EIPR1: variants seen among roughly 807,000 people sequenced by gnomAD.
EIPR1 encodes EARP and GARP complex-interacting protein 1.
A neutral mutation model predicts 48.1 loss-of-function variants in EIPR1; 25 were observed. The observed-to-expected ratio is 0.52, with a 90% CI of 0.38 to 0.73. The LOEUF is 0.73. Ranked by LOEUF, EIPR1 falls within the 30% of genes least tolerant of loss-of-function variation. The pLI is 0.00. For missense variants in EIPR1, 415 were observed against 506.2 expected (o/e 0.82, Z 1.73); for synonymous variants, 204 against 201.9 (o/e 1.01, Z -0.09).
intron 5 of EIPR1, among the ~76,000 whole-genome samples, chr2:3,199,048 G>A (rs1664909740): frequency 2.0e-5 from 1 of 51,100 alleles, no homozygotes; most frequent in African/African-American, 6.9e-5. Context: ...CCCCAGAGTG[G>A]CCATTTTAGA....
rs115324683 is a variant in EIPR1 at position 3,279,774 on chromosome 2, G to A, written c.260-22319C>T. Among the ~76,000 whole-genome samples the A allele has an allele frequency of 5.9e-3, 905 of 152,314 alleles. 9 individuals carry two copies. Among genetic ancestry groups the A allele is most frequent in the African/African-American group, 0.021 (883 of 41,562 alleles). ...GACCTGACGCGCAGAGCTGTGAGGT[G>A]AACCAACACCATGATGCGAAGTTAC... is the stretch of plus-strand genomic sequence containing the variant. On this transcript the variant is annotated intron_variant, in intron 3 of 8. Coordinates refer to ENST00000382125, the MANE Select transcript of EIPR1 (RefSeq NM_003310.5).
intron 4 of EIPR1, among the ~76,000 whole-genome samples, chr2:3,216,176 A>G (rs539460050): frequency 4.6e-5 from 7 of 152,318 alleles, no homozygotes; most frequent in African/African-American, 1.7e-4. Context: ...ATGCAGGGAG[A>G]GAAGGATGCA....
chr2:3,285,885 AC>A (rs1558273682), intron 3 of EIPR1, among the ~76,000 whole-genome samples: 9 of 133,738 alleles, frequency 6.7e-5, no homozygotes, highest in South Asian at 2.5e-4. Context: ...GAAGTCACCA[AC>A]TGTCTCCGGG....
intron 3 of EIPR1, among the ~76,000 whole-genome samples, chr2:3,337,354 A>G (rs1353462382): frequency 6.6e-6 from 1 of 152,264 alleles, no homozygotes; most frequent in Admixed American, 6.5e-5. Flanking sequence ...GCAACATTTT[A>G]GAAACTATAT....
At chr2:3,254,399 T>C (rs929678701) in intron 4 of EIPR1, among the ~76,000 whole-genome samples, 13 of 152,164 alleles carry the variant, frequency 8.5e-5, no homozygotes, top group African/African-American at 2.7e-4. Flanking sequence ...ACTGTAGTCA[T>C]AATCGCCAAA....
At chr2:3,369,695 C>A (rs1463747876) in intron 1 of EIPR1, among the ~76,000 whole-genome samples, 2 of 152,256 alleles carry the variant, frequency 1.3e-5, no homozygotes, top group Non-Finnish European at 2.9e-5. Flanking sequence ...GGGCGCCCGC[C>A]ATTGCCCAGG....
At chr2:3,267,542 A>G (rs1667528442) in intron 3 of EIPR1, among the ~76,000 whole-genome samples, 1 of 152,248 alleles carries the variant, frequency 6.6e-6, no homozygotes, top group Non-Finnish European at 1.5e-5. Context: ...GAGCATGTCT[A>G]TACAAGAATG....
At chr2:3,256,266 G>A (rs753438362) in intron 4 of EIPR1, among the ~76,000 whole-genome samples, 5 of 152,146 alleles carry the variant, frequency 3.3e-5, no homozygotes, top group East Asian at 1.9e-4. Context: ...ACTCCACCTC[G>A]TAAGCGAATC....
At chr2:3,238,909 G>A (rs1009986552) in intron 4 of EIPR1, among the ~76,000 whole-genome samples, 20 of 152,324 alleles carry the variant, frequency 1.3e-4, no homozygotes, top group African/African-American at 4.3e-4. Flanking sequence ...AAAAGATTGT[G>A]TTAAGAAGGG....
At chr2:3,220,681 C>G (rs1378409211) in intron 4 of EIPR1, among the ~76,000 whole-genome samples, 2 of 151,892 alleles carry the variant, frequency 1.3e-5, no homozygotes, top group East Asian at 3.9e-4. Flanking sequence ...CACAGTGACT[C>G]AGGAACACAA....
chr2:3,272,519 A>G (rs894693956), intron 3 of EIPR1, among the ~76,000 whole-genome samples: 1 of 152,218 alleles, frequency 6.6e-6, no homozygotes, highest in Admixed American at 6.5e-5. Flanking sequence ...CTCAGGGAAC[A>G]GAGAGGCCTG....
intron 4 of EIPR1, among the ~76,000 whole-genome samples, chr2:3,249,066 G>A (rs758579466): frequency 8.5e-5 from 13 of 152,208 alleles, no homozygotes; most frequent in African/African-American, 2.7e-4. Flanking sequence ...GCATTGCTAC[G>A]AAGATGCTTG....
At chr2:3,351,219 T>C (rs1670568299) in intron 2 of EIPR1, among the ~76,000 whole-genome samples, 1 of 152,208 alleles carries the variant, frequency 6.6e-6, no homozygotes, top group Admixed American at 6.5e-5. Flanking sequence ...CAGGCTGGTC[T>C]TGAACTCTTC....
At chr2:3,345,915 T>C (rs551306820) in intron 2 of EIPR1, among the ~76,000 whole-genome samples, 1 of 152,290 alleles carries the variant, frequency 6.6e-6, no homozygotes, top group Admixed American at 6.5e-5. Context: ...GGTGCACACA[T>C]ATGACTTGCT....
intron 2 of EIPR1, among the ~76,000 whole-genome samples, chr2:3,346,667 A>C (rs1670411695): frequency 6.6e-6 from 1 of 152,192 alleles, no homozygotes; most frequent in Non-Finnish European, 1.5e-5. Flanking sequence ...TGCATACACA[A>C]AGACAGACAA....
chr2:3,327,785 G>A (rs1669744132), intron 3 of EIPR1, among the ~76,000 whole-genome samples: 1 of 152,060 alleles, frequency 6.6e-6, no homozygotes, highest in South Asian at 2.1e-4. Context: ...CCTTAACCAT[G>A]TAACCATGGT....
chr2:3,313,663 A>G (rs1218859715), intron 3 of EIPR1, among the ~76,000 whole-genome samples: 1 of 152,126 alleles, frequency 6.6e-6, no homozygotes, highest in Non-Finnish European at 1.5e-5. Context: ...AGCTCTCCCC[A>G]CTGTCAGGAG....
At chr2:3,267,012 A>T (rs1159557013) in intron 3 of EIPR1, among the ~76,000 whole-genome samples, 1 of 152,212 alleles carries the variant, frequency 6.6e-6, no homozygotes, top group African/African-American at 2.4e-5. Context: ...AGAGCTGACC[A>T]TGGGGAGAGG....
intron 5 of EIPR1, among the ~76,000 whole-genome samples, chr2:3,201,425 T>G (rs1014170807): frequency 1.3e-5 from 2 of 152,232 alleles, no homozygotes; most frequent in African/African-American, 4.8e-5. Flanking sequence ...CTCCATCAGA[T>G]TTTACAGCAT....
Sources: gnomAD v4.1 joint callset for allele counts (sites outside exome capture counted in the v4.1 genomes callset) on GRCh38, gnomAD v4.1.1 for gene constraint, MANE v1.5 for transcripts, NCBI Gene and HGNC (gene_info 2026-07-23, HGNC 2026-07-21) for gene names.